The following FNTB variants were observed in gnomAD, a reference collection of about 807,000 sequenced individuals.
FNTB encodes the protein protein farnesyltransferase subunit beta.
FNTB carries 27 observed loss-of-function variants against 59.4 expected under a neutral mutation model. The ratio of observed to expected loss-of-function variants is 0.45; its 90% confidence interval spans 0.34 to 0.63. The LOEUF (loss-of-function observed/expected upper bound fraction) is 0.63. Among genes scored for constraint, FNTB ranks in the 20% least tolerant of loss-of-function variants. FNTB has a pLI of 0.02. For synonymous variants in FNTB, 230 were observed against 220.7 expected (o/e 1.04, Z -0.37); for missense variants, 449 against 559.6 (o/e 0.80, Z 1.99).
At chr14:65,053,460 C>T (rs950049789) in intron 10 of FNTB, 111 bp downstream of exon 10, 2 of 924,062 alleles carry the variant, frequency 2.2e-6, no homozygotes, top group Non-Finnish European at 2.9e-6. Flanking sequence ...TCACCTTCAG[C>T]ACCTGCATAG....
At chr14:65,038,137 G>A (rs1227823100) in intron 7 of FNTB, among the ~76,000 whole-genome samples, 1 of 152,164 alleles carries the variant, frequency 6.6e-6, no homozygotes, top group African/African-American at 2.4e-5. Context: ...GAGGCTGGGC[G>A]TGGTGGCTCA....
rs1038736701 is a variant in FNTB at position 65,047,029 on chromosome 14, A to T, written c.955+2586A>T. On this transcript the variant is annotated intron_variant, in intron 9 of 11. Coordinates refer to ENST00000246166, the MANE Select transcript of FNTB (RefSeq NM_002028.4). The surrounding 1 kb of genome is among the most constrained non-coding windows in gnomAD (Gnocchi z 5.2). The stretch of plus-strand genomic sequence containing the variant: ...AATTTCTTTAATTTGAAAAAAAATC[A>T]TACAAACCAGTAAGAAATGGATGGA... Among the ~76,000 whole-genome samples, 1 of 152,218 alleles carries T rather than the reference A, an allele frequency of 6.6e-6. No homozygotes were observed. Among genetic ancestry groups the T allele is most frequent in the Non-Finnish European group, 1.5e-5 (1 of 68,030 alleles).
chr14:65,051,331 T>G (rs1270519539), intron 9 of FNTB, among the ~76,000 whole-genome samples: 1 of 152,236 alleles, frequency 6.6e-6, no homozygotes, highest in African/African-American at 2.4e-5. Flanking sequence ...CAATTTAGGC[T>G]GGGTGCGGTG....
intron 7 of FNTB, among the ~76,000 whole-genome samples, chr14:65,033,210 C>CT (rs528078502): frequency 2.6e-4 from 40 of 152,024 alleles, no homozygotes; most frequent in Non-Finnish European, 4.6e-4. Context: ...GGAAAAATCT[C>CT]TATGTTGAGT....
intron 1 of FNTB, among the ~76,000 whole-genome samples, chr14:65,002,694 A>T (rs146346682): frequency 7.6e-4 from 115 of 152,252 alleles, no homozygotes; most frequent in African/African-American, 2.6e-3. Context: ...TGATGAGGAG[A>T]TGGGAAGAAT....
rs924790916 is a variant in FNTB at position 65,009,357 on chromosome 14, C to T, written c.210-2960C>T. Among the ~76,000 whole-genome samples, 9 of 152,174 alleles carry T rather than the reference C, an allele frequency of 5.9e-5. No individual in the cohort carries two copies. Among genetic ancestry groups the T allele is most frequent in the African/African-American group, 1.9e-4 (8 of 41,432 alleles). ...CTTAATTTCACTGGCGCTTCACTAA[C>T]TGCCTTATAATCCTTTTATTCGTCT... On this transcript the variant is annotated intron_variant, in intron 2 of 11. Coordinates refer to ENST00000246166, the MANE Select transcript of FNTB (RefSeq NM_002028.4). This position sits in a 1 kb window ranked among gnomAD's most constrained non-coding sequence, Gnocchi z 4.2.
In FNTB at chr14:65,052,270, C is replaced by T. The variant is rs554051402; in HGVS notation, c.956-968C>T. Among the ~76,000 whole-genome samples, 5 of 152,172 alleles carry T rather than the reference C, an allele frequency of 3.3e-5. No homozygotes were observed. The East Asian group carries it at 9.7e-4, about 29-fold the overall frequency. On this transcript the variant is annotated intron_variant, in intron 9 of 11. Transcript: ENST00000246166. Reference sequence around the variant, plus strand: ...TGCCTATAGTGGTATAAGTGAAAAACATAAGCTACACAGTTATAATAACTA... The same window carrying T: ...TGCCTATAGTGGTATAAGTGAAAAATATAAGCTACACAGTTATAATAACTA...
At position 65,014,893 on chromosome 14, in the gene FNTB, T is replaced by C. The variant is rs939597570; in HGVS notation, c.283-732T>C. The stretch of plus-strand genomic sequence containing the variant: ...CAGTGCTTGGCACAAGTAGATACTA[T>C]CAAATATTTGTTGAATCAGTGATTG... On this transcript the variant is annotated intron_variant, in intron 3 of 11. Coordinates refer to ENST00000246166, the MANE Select transcript of FNTB (RefSeq NM_002028.4). The surrounding 1 kb of genome is among the most constrained non-coding windows in gnomAD (Gnocchi z 5.1). 6.6e-6 allele frequency among the ~76,000 whole-genome samples: 1 copy of C among 152,116 alleles called. No individual in the cohort carries two copies. The highest frequency in any genetic ancestry group is 1.5e-5 in the Non-Finnish European group (1 of 68,010).
intron 7 of FNTB, among the ~76,000 whole-genome samples, chr14:65,033,848 C>T (rs1279355943): frequency 2.9e-4 from 44 of 152,112 alleles, no homozygotes; most frequent in Admixed American, 2.9e-3. Flanking sequence ...CAGGGCGAGA[C>T]TCCATCTCAA....
At chr14:64,987,632 G>C (rs1330361564) in intron 1 of FNTB, 1 of 161,542 alleles carries the variant, frequency 6.2e-6, no homozygotes, top group South Asian at 1.6e-4. Context: ...GCTACGTGTC[G>C]GACACAATAT....
At position 65,032,757 on chromosome 14, in the gene FNTB, A is replaced by C; in HGVS notation, c.692+61A>C. The stretch of plus-strand genomic sequence containing the variant: ...GAGCAGGCGGTCACGACACTACTTC[A>C]GAAAAATAAAGAAAATGCAGAGGGA... On this transcript the variant is annotated intron_variant, in intron 7 of 11. Transcript: ENST00000246166. The surrounding 1 kb of genome is among the most constrained non-coding windows in gnomAD (Gnocchi z 5.0). 5 of 1,495,196 alleles carry C rather than the reference A, an allele frequency of 3.3e-6. No homozygotes were observed. The highest frequency in any genetic ancestry group is 4.5e-6 in the Non-Finnish European group (5 of 1,103,062). 92.6% of individuals were successfully genotyped at this position (1,495,196 alleles called of 1,614,324 possible).
At chr14:65,005,483 TTCTTTC>T (rs1351903029) in intron 2 of FNTB, among the ~76,000 whole-genome samples, 2 of 136,944 alleles carry the variant, frequency 1.5e-5, no homozygotes, top group Non-Finnish European at 3.0e-5. Context: ...CTTTCTTTCT[TTCTTTC>T]TTTCTTTCTT....
Position 65,027,322 on chromosome 14 carries a change from T to C in FNTB, c.375-131T>C. 1 of 1,397,868 alleles carries C rather than the reference T, an allele frequency of 7.2e-7. No individual in the cohort carries two copies. The highest frequency in any genetic ancestry group is 9.8e-7 in the Non-Finnish European group (1 of 1,024,838). 86.6% of individuals were successfully genotyped at this position (1,397,868 alleles called of 1,614,324 possible). On this transcript the variant is annotated intron_variant, in intron 4 of 11. Coordinates refer to ENST00000246166, the MANE Select transcript of FNTB (RefSeq NM_002028.4). This position sits in a 1 kb window ranked among gnomAD's most constrained non-coding sequence, Gnocchi z 5.7. The stretch of plus-strand genomic sequence containing the variant: ...TTGGGGAGAGGTTATATTCAACAAG[T>C]GGGAGGAGAGGTTCCCCTCAACTTT...
At chr14:64,999,205 A>G (rs1284596234) in intron 1 of FNTB, among the ~76,000 whole-genome samples, 1 of 152,244 alleles carries the variant, frequency 6.6e-6, no homozygotes, top group Non-Finnish European at 1.5e-5. Flanking sequence ...TGGGAGGCCA[A>G]GGCTTATGGA....
intron 4 of FNTB, among the ~76,000 whole-genome samples, chr14:65,020,894 GCTAATTTT>G (rs2061874446): frequency 6.6e-6 from 1 of 151,626 alleles, no homozygotes; most frequent in South Asian, 2.1e-4. Flanking sequence ...ACCACGCCCA[GCTAATTTT>G]TGTATTTTGT....
chr14:65,027,579 G>A lies in FNTB; in HGVS notation c.501G>A (p.Glu167=). 1.2e-6 allele frequency: 2 copies of A among 1,614,188 alleles called. No individual in the cohort carries two copies. The highest frequency in any genetic ancestry group is 1.3e-5 in the African/African-American group (1 of 75,044). The change falls in exon 5 of 12, where the codon GAG becomes GAA. Residue 167 remains glutamate (E), a synonymous_variant. Coordinates refer to ENST00000246166, the MANE Select transcript of FNTB (RefSeq NM_002028.4). The surrounding 1 kb of genome is among the most constrained non-coding windows in gnomAD (Gnocchi z 5.7). ...CATTGTGCATCATTGGCACCGAGGA[G>A]GCCTATGACATCATTAACAGGTACA... The part of the protein sequence containing the change: ...VNALCIIGTE[E]AYDIINREKL...
At chr14:64,987,129 G>C in intron 1 of FNTB, 32 bp downstream of exon 1, 2 of 1,613,016 alleles carry the variant, frequency 1.2e-6, no homozygotes, top group Non-Finnish European at 1.7e-6. Flanking sequence ...AGGCGCCCGC[G>C]CGATGTGTTC....
intron 9 of FNTB, among the ~76,000 whole-genome samples, chr14:65,048,376 A>G (rs1377310610): frequency 6.6e-6 from 1 of 152,196 alleles, no homozygotes; most frequent in Non-Finnish European, 1.5e-5. Context: ...TAAATGTACA[A>G]ATACATTTTT....
At chr14:65,003,274 A>G (rs1369975094) in intron 1 of FNTB, 1 of 152,232 alleles carries the variant, frequency 6.6e-6, no homozygotes, top group Non-Finnish European at 1.5e-5. Flanking sequence ...TAAATCTCCC[A>G]GATGATTTTA....
Sources: gnomAD v4.1 joint callset for allele counts (sites outside exome capture counted in the v4.1 genomes callset) on GRCh38, gnomAD v4.1.1 for gene constraint, Gnocchi (gnomAD v3.1) non-coding constraint, MANE v1.5 for transcripts, NCBI Gene and HGNC (gene_info 2026-07-23, HGNC 2026-07-21) for gene names.